Variants in KDM5A observed in about 807,000 individuals in gnomAD.
KDM5A encodes lysine demethylase 5A.
Under a neutral mutation model 193.5 loss-of-function variants are expected in KDM5A, and 42 were observed. The ratio of observed to expected loss-of-function variants is 0.22; its 90% CI spans 0.17 to 0.28. The LOEUF (loss-of-function observed/expected upper bound fraction) is 0.28. Ranked by LOEUF, KDM5A falls within the 10% of genes least tolerant of loss-of-function variation. The pLI, the probability that KDM5A is intolerant of heterozygous loss-of-function variation, is 1.00. For missense variants in KDM5A, 1,692 were observed against 2,055.1 expected (o/e 0.82, Z 3.42); for synonymous variants, 796 against 718.1 (o/e 1.11, Z -1.73).
chr12:334,148 C>T (rs1943896513), intron 11 of KDM5A, 93 bp downstream of exon 11: 1 of 1,157,276 alleles, frequency 8.6e-7, no homozygotes, highest in Non-Finnish European at 1.3e-6. Flanking sequence ...AAATATACTT[C>T]TGTCTATAAA....
rs76033405 is a variant in KDM5A, at chr12:281,203, C to T, written c.*4253G>A. On this transcript the variant is annotated 3_prime_UTR_variant, in exon 28 of 28. Coordinates refer to ENST00000399788, the MANE Select transcript of KDM5A (RefSeq NM_001042603.3). ...AAAACATGCTCAAAGATCAAGAAATCGAGTTATACTTTTCATAAGGCACCA... is the reference window on the plus strand; with the variant it reads ...AAAACATGCTCAAAGATCAAGAAATTGAGTTATACTTTTCATAAGGCACCA... 451 of 232,958 alleles carry T rather than the reference C, an allele frequency of 1.9e-3. 1 individual carries two copies. Among genetic ancestry groups the T allele is most frequent in the African/African-American group, 9.2e-3 (419 of 45,402 alleles). The allele number at this position is 232,958 out of a possible 1,614,324, so 14.4% of individuals were successfully genotyped here.
In KDM5A at chr12:323,823, T is replaced by C. The variant is rs762837510; in HGVS notation, c.1969-42A>G. On this transcript the variant is annotated intron_variant, in intron 14 of 27. Transcript: ENST00000399788. ...TTCACTAGATCAAGTCTTTCTAGTC[T>C]TTAAAGCATCAAAAAACTTAAGTTA... is the stretch of plus-strand genomic sequence containing the variant. The C allele has an allele frequency of 5.9e-6, 9 of 1,529,940 alleles. No individual in the cohort carries two copies. The East Asian group carries it at 1.6e-4, about 27-fold the overall frequency. 94.8% of individuals were successfully genotyped at this position (1,529,940 alleles called of 1,614,324 possible).
At chr12:375,557 A>G (rs1473933690) in intron 3 of KDM5A, among the ~76,000 whole-genome samples, 1 of 152,186 alleles carries the variant, frequency 6.6e-6, no homozygotes, top group Non-Finnish European at 1.5e-5. Context: ...GATCGTCTGA[A>G]GCCTTCTTCT....
chr12:382,876 G>A (rs1265646305), intron 3 of KDM5A, among the ~76,000 whole-genome samples: 2 of 151,992 alleles, frequency 1.3e-5, no homozygotes, highest in Admixed American at 6.6e-5. Context: ...AGGTTGCAGT[G>A]AGCCAAGATC....
At chr12:342,291 CAAAGT>C (rs1002751575) in intron 10 of KDM5A, among the ~76,000 whole-genome samples, 9 of 151,962 alleles carry the variant, frequency 5.9e-5, no homozygotes, top group Non-Finnish European at 1.2e-4. Context: ...TGTCAAGAAT[CAAAGT>C]AAAGAGAAAA....
At position 352,241 on chromosome 12, in the gene KDM5A, A is replaced by G; in HGVS notation, c.1113T>C (p.Asp371=). ...TATTAAAATAATCAGACTTAAAATTATCTGCCATCTCTCCAAAGCTCTGAA... is the reference window on the plus strand; with the variant it reads ...TATTAAAATAATCAGACTTAAAATTGTCTGCCATCTCTCCAAAGCTCTGAA... ...YTLQSFGEMA[D]NFKSDYFNMP... is the part of the protein sequence containing the mutation. Residue 371 remains aspartate, a synonymous_variant, in exon 9 of 28, where the codon GAT becomes GAC. Transcript: ENST00000399788. 6.2e-7 allele frequency: 1 copy of G among 1,612,964 alleles called. No individual in the cohort carries two copies. Among genetic ancestry groups the G allele is most frequent in the Non-Finnish European group, 8.5e-7 (1 of 1,179,066 alleles).
chr12:338,544 T>G (rs937331226), intron 10 of KDM5A, among the ~76,000 whole-genome samples: 3 of 152,216 alleles, frequency 2.0e-5, no homozygotes, highest in Non-Finnish European at 2.9e-5. Flanking sequence ...TTGTTTGAAT[T>G]ATTTCACTGT....
intron 13 of KDM5A, among the ~76,000 whole-genome samples, chr12:330,085 G>GTGTGTGTGTGTGCGTA (rs377271333): frequency 1.4e-5 from 2 of 139,322 alleles, no homozygotes; most frequent in South Asian, 4.7e-4. Flanking sequence ...GTGTGTGTGT[G>GTGTGTGTGTGTGCGTA]TATATATATA....
chr12:304,617 C>T, intron 24 of KDM5A, among the ~76,000 whole-genome samples: 1 of 151,950 alleles, frequency 6.6e-6, no homozygotes, highest in East Asian at 1.9e-4. Context: ...ACTAGAAAAT[C>T]CATAATCTTA....
At chr12:314,332 AGTACAGGCATGCGCCACCAC>A (rs926806600) in intron 19 of KDM5A, among the ~76,000 whole-genome samples, 2 of 152,080 alleles carry the variant, frequency 1.3e-5, no homozygotes, top group African/African-American at 4.8e-5. Context: ...AGTAGCTGGG[AGTACAGGCATGCGCCACCAC>A]GCCCGGCTAA....
Position 352,193 on chromosome 12 carries a change from T to G in KDM5A, c.1149+12A>C, listed in dbSNP as rs200300476. 374 of 1,596,142 alleles carry G rather than the reference T, an allele frequency of 2.3e-4. No homozygotes were observed. In the African/African-American group the frequency reaches 4.6e-3, roughly 20 times the overall value. Reference sequence around the variant, plus strand: ...TACCTCCCCGGACCGACCTAAAAGATAGCTTACTCACATGGACTGGCATAT... The same window carrying G: ...TACCTCCCCGGACCGACCTAAAAGAGAGCTTACTCACATGGACTGGCATAT... On this transcript the variant is annotated intron_variant, in intron 9 of 27. Transcript: ENST00000399788.
In KDM5A at chr12:354,246, A is replaced by T. The variant is rs375839076; in HGVS notation, c.871-12T>A. 4.7e-5 allele frequency: 73 copies of T among 1,569,244 alleles called. No individual in the cohort carries two copies. The highest frequency in any genetic ancestry group is 3.4e-4 in the South Asian group (30 of 87,580). ...ACATAGAGATCAACCTGTTAAAAAA[A>T]AAATAAATGAAAGTCTATTTTCTAT... On this transcript the variant is annotated splice_polypyrimidine_tract_variant and intron_variant, in intron 7 of 27. Transcript: ENST00000399788.
chr12:284,611 G>C lies in KDM5A; in HGVS notation c.*845C>G, dbSNP rs938726916. ...TCACTGTGGCTCAGTAAGATAGTACGACTGGTCATCATCGTCATCTTCTTC... is the reference window on the plus strand; with the variant it reads ...TCACTGTGGCTCAGTAAGATAGTACCACTGGTCATCATCGTCATCTTCTTC... On this transcript the variant is annotated 3_prime_UTR_variant, in exon 28 of 28. Transcript: ENST00000399788. 1 of 232,524 alleles carries C rather than the reference G, an allele frequency of 4.3e-6. No homozygotes were observed. Among genetic ancestry groups the C allele is most frequent in the Non-Finnish European group, 8.5e-6 (1 of 117,482 alleles). The allele number at this position is 232,524 out of a possible 1,614,324, so 14.4% of individuals were successfully genotyped here.
chr12:306,809 T>G, intron 24 of KDM5A, 137 bp downstream of exon 24: 3 of 915,054 alleles, frequency 3.3e-6, no homozygotes, highest in Non-Finnish European at 5.1e-6. Flanking sequence ...ATGCTACGAC[T>G]AAAAACTCAG....
chr12:374,982 G>A (rs189979958), intron 3 of KDM5A, among the ~76,000 whole-genome samples: 3,479 of 152,220 alleles, frequency 0.023, 58 homozygotes, highest in Middle Eastern at 0.037. Flanking sequence ...TGGGTAACCC[G>A]ATCTTTCTCT....
At chr12:308,873 A>G (rs1422924014) in intron 22 of KDM5A, among the ~76,000 whole-genome samples, 1 of 152,176 alleles carries the variant, frequency 6.6e-6, no homozygotes, top group Non-Finnish European at 1.5e-5. Context: ...GCTCCTAGTA[A>G]TCTTAACACA....
At chr12:364,489 A>C (rs1944328995) in intron 4 of KDM5A, among the ~76,000 whole-genome samples, 1 of 148,652 alleles carries the variant, frequency 6.7e-6, no homozygotes. Flanking sequence ...AAAAAAAAAA[A>C]ATTTACACAT....
chr12:306,913 G>A (rs201931770), intron 24 of KDM5A, 33 bp downstream of exon 24: 5 of 1,601,600 alleles, frequency 3.1e-6, no homozygotes, highest in East Asian at 2.2e-5. Context: ...CAATGATCAG[G>A]TATGTACCCA....
intron 13 of KDM5A, 29 bp from the exon 14 acceptor site, chr12:329,058 C>G (rs369393985): frequency 6.3e-6 from 10 of 1,597,564 alleles, no homozygotes; most frequent in Non-Finnish European, 8.6e-6. Flanking sequence ...AATTAAATAA[C>G]TCGCTTATAA....
Sources: allele counts gnomAD v4.1 joint callset (sites outside exome capture counted in the v4.1 genomes callset), GRCh38; gene constraint gnomAD v4.1.1; transcripts MANE v1.5; gene names NCBI Gene and HGNC (gene_info 2026-07-23, HGNC 2026-07-21).